ARHGAP17: variants seen among roughly 807,000 people sequenced by gnomAD.
ARHGAP17 encodes the protein Rho GTPase activating protein 17.
ARHGAP17 carries 57 observed loss-of-function variants against 99.5 expected under a neutral mutation model. The ratio of observed to expected loss-of-function variants is 0.57; its 90% CI spans 0.46 to 0.71. The LOEUF is 0.71. ARHGAP17 is among the 30% of genes least tolerant of loss of function. The probability of loss-of-function intolerance (pLI) is 0.00; values close to 1 mark genes in which losing one functional copy is unlikely to be tolerated. For missense variants in ARHGAP17, 1,000 were observed against 1,122.4 expected, an observed-to-expected ratio of 0.89 and a Z score of 1.56; for synonymous variants, 417 against 429.6, an observed-to-expected ratio of 0.97 and a Z score of 0.36.
chr16:24,940,678 G>A (rs928548198), intron 16 of ARHGAP17, among the ~76,000 whole-genome samples: 2 of 152,116 alleles, frequency 1.3e-5, no homozygotes, highest in African/African-American at 4.8e-5. Context: ...TCTAGCCTGG[G>A]CACATAACCC....
At chr16:24,975,269 T>C (rs2052481058) in intron 3 of ARHGAP17, among the ~76,000 whole-genome samples, 1 of 152,194 alleles carries the variant, frequency 6.6e-6, no homozygotes, top group Non-Finnish European at 1.5e-5. Context: ...CATGCTAGAA[T>C]AGACATCTAA....
chr16:25,001,947 G>C (rs1277235368), intron 1 of ARHGAP17, among the ~76,000 whole-genome samples: 1 of 152,060 alleles, frequency 6.6e-6, no homozygotes, highest in Non-Finnish European at 1.5e-5. Flanking sequence ...CGGGCATGGT[G>C]GTGGGCACCT....
At chr16:24,949,856 A>C (rs1170435202) in intron 12 of ARHGAP17, among the ~76,000 whole-genome samples, 1 of 152,210 alleles carries the variant, frequency 6.6e-6, no homozygotes. Context: ...CCTACCCTCA[A>C]GCAGCCCAGC....
intron 4 of ARHGAP17, among the ~76,000 whole-genome samples, chr16:24,969,541 G>T (rs1031865855): frequency 6.6e-6 from 1 of 152,196 alleles, no homozygotes; most frequent in Non-Finnish European, 1.5e-5. Context: ...TGTAAAATGG[G>T]AGTGATGTTG....
At chr16:24,920,402 G>T in intron 19 of ARHGAP17, 142 bp from the exon 20 acceptor site, 2 of 969,800 alleles carry the variant, frequency 2.1e-6, no homozygotes, top group Non-Finnish European at 3.0e-6. Context: ...GGCCTCATCA[G>T]CTCTTAGAAG....
At chr16:24,954,846 GA>G in intron 9 of ARHGAP17, 116 bp from the exon 10 acceptor site, 1 of 1,388,180 alleles carries the variant, frequency 7.2e-7, no homozygotes, top group Non-Finnish European at 9.9e-7. Context: ...GGCTGTGCAA[GA>G]GGGGATACAT....
At chr16:24,947,384 T>C in intron 14 of ARHGAP17, 98 bp downstream of exon 14, 1 of 1,091,420 alleles carries the variant, frequency 9.2e-7, no homozygotes, top group South Asian at 1.4e-5. Context: ...ATACCTTGAA[T>C]TGATCTTAAA....
chr16:25,006,703 G>C (rs1208576214), intron 1 of ARHGAP17, among the ~76,000 whole-genome samples: 2 of 152,164 alleles, frequency 1.3e-5, no homozygotes, highest in Non-Finnish European at 2.9e-5. Flanking sequence ...CTGTGTTCCA[G>C]TAAACTTTTT....
intron 4 of ARHGAP17, among the ~76,000 whole-genome samples, chr16:24,969,416 T>C (rs1040897928): frequency 6.6e-6 from 1 of 152,108 alleles, no homozygotes; most frequent in African/African-American, 2.4e-5. Context: ...CATGGTGTCA[T>C]AGTCAGGAAC....
At chr16:24,990,555 G>C (rs2053008742) in intron 1 of ARHGAP17, among the ~76,000 whole-genome samples, 1 of 151,902 alleles carries the variant, frequency 6.6e-6, no homozygotes, top group Admixed American at 6.6e-5. Context: ...TACTTAGGAA[G>C]CTTAGGTAGG....
At position 24,994,498 on chromosome 16, in the gene ARHGAP17, C is replaced by G. The variant is rs147154934; in HGVS notation, c.54-15493G>C. On this transcript the variant is annotated intron_variant, in intron 1 of 19. Coordinates refer to ENST00000289968, the MANE Select transcript of ARHGAP17 (RefSeq NM_001006634.3). Reference sequence around the variant, plus strand: ...ATAGGGCCCCTGCTCTGCCAGAGCTCAAGGACTATCAAGGAAAATAAGCCA... The same window carrying G: ...ATAGGGCCCCTGCTCTGCCAGAGCTGAAGGACTATCAAGGAAAATAAGCCA... 1.3e-3 allele frequency among the ~76,000 whole-genome samples: 196 copies of G among 152,146 alleles called. No homozygotes were observed. The South Asian group carries it at 0.028, about 21-fold the overall frequency.
intron 11 of ARHGAP17, 30 bp from the exon 12 acceptor site, chr16:24,952,400 GA>G: frequency 6.5e-7 from 1 of 1,544,240 alleles, no homozygotes; most frequent in Non-Finnish European, 8.9e-7. Context: ...CTTTGAGTAT[GA>G]AAAAGGGGTA....
intron 10 of ARHGAP17, among the ~76,000 whole-genome samples, chr16:24,954,107 T>C (rs544109335): frequency 6.6e-6 from 1 of 152,288 alleles, no homozygotes; most frequent in Admixed American, 6.5e-5. Flanking sequence ...GCATGCTGAC[T>C]TCCTTATTTA....
rs61603680 is a variant in ARHGAP17, at chr16:24,990,485, C to CAA, written c.54-11482_54-11481dup. Among the ~76,000 whole-genome samples the CAA allele has an allele frequency of 7.9e-3, 1,104 of 139,110 alleles. 17 individuals are homozygous for CAA. Among genetic ancestry groups the CAA allele is most frequent in the African/African-American group, 0.028 (1,055 of 38,342 alleles). 91.3% of individuals were successfully genotyped at this position (139,110 alleles called of 152,430 possible). A position where few individuals can be genotyped will look rare whatever the true frequency, so the allele number is the denominator to read the frequency against. On this transcript the variant is annotated intron_variant, in intron 1 of 19. Coordinates refer to ENST00000289968, the MANE Select transcript of ARHGAP17 (RefSeq NM_001006634.3). ...TGGGCATCAAAGCAAGATCTTGTCT[C>CAA]AAAAAAAAAAAAAATTAAAACAATT...
At chr16:24,937,833 G>A (rs1197778057) in intron 17 of ARHGAP17, among the ~76,000 whole-genome samples, 5 of 152,190 alleles carry the variant, frequency 3.3e-5, no homozygotes, top group African/African-American at 4.8e-5. Flanking sequence ...GGAAATAAAC[G>A]TGTGGATAAA....
chr16:24,998,891 G>A (rs1351581949), intron 1 of ARHGAP17, among the ~76,000 whole-genome samples: 3 of 152,222 alleles, frequency 2.0e-5, no homozygotes, highest in Non-Finnish European at 4.4e-5. Context: ...AAGCCAGGGC[G>A]GGAGGGACTG....
rs1421854472 is a variant in ARHGAP17, at chr16:24,964,252, A to G, written c.518T>C (p.Ile173Thr). The G allele has an allele frequency of 6.2e-7, 1 of 1,613,810 alleles. No homozygotes were observed. Residue 173 changes from isoleucine to threonine, a missense_variant, in exon 7 of 20, where the codon ATA becomes ACA. By Grantham distance (89) the Ile-to-Thr change is moderately conservative (BLOSUM62 -1). Coordinates refer to ENST00000289968, the MANE Select transcript of ARHGAP17 (RefSeq NM_001006634.3). ...ATCCATCTCTTCCTTTAGAGTATCT[A>G]TTTTTGATGGAAGCCCCTGAAAGTT... ...GTNFQGLPSK[I>T]DTLKEEMDEA... is the part of the protein sequence containing the mutation.
At chr16:24,951,747 C>A (rs1206216717) in intron 12 of ARHGAP17, among the ~76,000 whole-genome samples, 1 of 152,148 alleles carries the variant, frequency 6.6e-6, no homozygotes, top group African/African-American at 2.4e-5. Flanking sequence ...GTATATAATA[C>A]ATACAACATA....
chr16:25,012,776 G>C (rs769385874), intron 1 of ARHGAP17, among the ~76,000 whole-genome samples: 10 of 152,194 alleles, frequency 6.6e-5, no homozygotes, highest in South Asian at 2.1e-4. Flanking sequence ...ACCCTTAATA[G>C]TTCTGTAATA....
Sources: allele counts gnomAD v4.1 joint callset (sites outside exome capture counted in the v4.1 genomes callset), GRCh38; gene constraint gnomAD v4.1.1; transcripts MANE v1.5; gene names NCBI Gene and HGNC (gene_info 2026-07-23, HGNC 2026-07-21).